The following FAT4 variants were observed in gnomAD, a reference collection of about 807,000 sequenced individuals.
The protein encoded by FAT4 is FAT atypical cadherin 4, also known as protocadherin Fat 4.
FAT4 carries 84 observed loss-of-function variants against 303.9 expected under a neutral mutation model. The ratio of observed to expected loss-of-function variants is 0.28; its 90% CI spans 0.23 to 0.33. The LOEUF is 0.33. Ranked by LOEUF, FAT4 falls within the 10% of genes least tolerant of loss-of-function variation. FAT4 has a pLI of 1.00. For synonymous variants in FAT4, 2,307 were observed against 2,298.8 expected (o/e 1.00, Z -0.10); for missense variants, 6,005 against 6,146.8 (o/e 0.98, Z 0.77).
At chr4:125,385,929 T>C (rs775597445) in intron 2 of FAT4, among the ~76,000 whole-genome samples, 3 of 152,216 alleles carry the variant, frequency 2.0e-5, no homozygotes, top group Non-Finnish European at 4.4e-5. Context: ...AATAGCCTTT[T>C]ATGCTGAAAC....
chr4:125,456,593 G>A (rs28464314), intron 10 of FAT4, among the ~76,000 whole-genome samples: 65,975 of 151,902 alleles, frequency 0.43, 15,202 homozygotes, highest in Middle Eastern at 0.54. Flanking sequence ...ATAGTGAGTG[G>A]CAAATGTTAA....
chr4:125,459,403 T>C (rs554894778), intron 10 of FAT4, among the ~76,000 whole-genome samples: 2 of 152,164 alleles, frequency 1.3e-5, no homozygotes, highest in South Asian at 2.1e-4. Flanking sequence ...AACATGAAAA[T>C]AGACACAAAA....
intron 17 of FAT4, among the ~76,000 whole-genome samples, chr4:125,488,728 A>G (rs533891954): frequency 3.3e-5 from 5 of 152,266 alleles, no homozygotes; most frequent in African/African-American, 7.2e-5. Context: ...AATCCTTTGG[A>G]TGGATGGGCT....
chr4:125,488,158 T>A (rs1391195192), intron 17 of FAT4, among the ~76,000 whole-genome samples: 1 of 152,158 alleles, frequency 6.6e-6, no homozygotes, highest in Non-Finnish European at 1.5e-5. Flanking sequence ...AGGATGAAAG[T>A]GTACGAAAGG....
At chr4:125,356,828 T>A (rs1453389614) in intron 2 of FAT4, among the ~76,000 whole-genome samples, 1 of 150,624 alleles carries the variant, frequency 6.6e-6, no homozygotes, top group Non-Finnish European at 1.5e-5. Context: ...GATAATATAA[T>A]AGAAATCATA....
intron 16 of FAT4, among the ~76,000 whole-genome samples, chr4:125,486,234 T>C (rs965873387): frequency 5.3e-5 from 8 of 151,804 alleles, no homozygotes; most frequent in East Asian, 3.9e-4. Context: ...TTTGATGAAA[T>C]GTTATTGTCA....
chr4:125,362,574 T>C (rs776881695), intron 2 of FAT4, among the ~76,000 whole-genome samples: 4 of 152,192 alleles, frequency 2.6e-5, no homozygotes, highest in Non-Finnish European at 4.4e-5. Flanking sequence ...TCTAGAGATA[T>C]ACAGATTTAC....
intron 9 of FAT4, among the ~76,000 whole-genome samples, chr4:125,447,882 C>G (rs1193191259): frequency 2.6e-5 from 4 of 151,978 alleles, no homozygotes; most frequent in Admixed American, 1.3e-4. Context: ...TGTATATACA[C>G]ACACATATAA....
intron 9 of FAT4, 119 bp downstream of exon 9, chr4:125,446,662 C>G: frequency 9.5e-7 from 1 of 1,051,092 alleles, no homozygotes; most frequent in Non-Finnish European, 1.3e-6. Context: ...TTTGCAAATC[C>G]TCTAAAATTC....
rs1178833932 is a variant in FAT4 at position 125,450,398 on chromosome 4, A to C, written c.9388A>C (p.Ile3130Leu). 2 of 1,614,096 alleles carry C rather than the reference A, an allele frequency of 1.2e-6. No individual in the cohort carries two copies. The highest frequency in any genetic ancestry group is 2.7e-5 in the African/African-American group (2 of 75,052). ...GATGAATGGCTTGATTAAGTACAGCATTTCTTCAGGAAATGAAGAAGGCAT... is the reference window on the plus strand; with the variant it reads ...GATGAATGGCTTGATTAAGTACAGCCTTTCTTCAGGAAATGAAGAAGGCAT... Reference protein sequence around the residue: ...AAMNGLIKYSISSGNEEGIFA... With the variant: ...AAMNGLIKYSLSSGNEEGIFA... The change falls in exon 10 of 18, where the codon ATT becomes CTT. Residue 3130 changes from isoleucine (I) to leucine (L), a missense_variant. Physicochemically the swap from Ile to Leu is conservative, Grantham distance 5. Coordinates refer to ENST00000394329, the MANE Select transcript of FAT4 (RefSeq NM_001291303.3).
intron 2 of FAT4, among the ~76,000 whole-genome samples, chr4:125,331,230 T>C (rs1339411280): frequency 1.3e-5 from 2 of 152,210 alleles, no homozygotes; most frequent in Non-Finnish European, 2.9e-5. Flanking sequence ...TTCTGCTATA[T>C]GCACAGCACC....
chr4:125,429,520 CTG>C (rs1725211740), intron 7 of FAT4, among the ~76,000 whole-genome samples: 1 of 152,080 alleles, frequency 6.6e-6, no homozygotes, highest in Non-Finnish European at 1.5e-5. Context: ...AACTGGCTCT[CTG>C]TCTATTCTGG....
Position 125,468,774 on chromosome 4 carries a change from G to T in FAT4, c.12168G>T (p.Val4056=), listed in dbSNP as rs762007124. The change falls in exon 12 of 18, where the codon GTG becomes GTT. Residue 4056 remains valine, a synonymous_variant. Transcript: ENST00000394329. ...ATAAGCTCACCACCATGAAGAAGGT[G>T]TCAGATGGACATTTTCACACTGTGA... is the stretch of plus-strand genomic sequence containing the variant. ...GTYKLTTMKK[V]SDGHFHTVIA... is the part of the protein sequence containing the mutation. 11 of 1,613,674 alleles carry T rather than the reference G, an allele frequency of 6.8e-6. No individual in the cohort carries two copies. The highest frequency in any genetic ancestry group is 8.5e-6 in the Non-Finnish European group (10 of 1,179,756).
chr4:125,447,145 C>G (rs1231130171), intron 9 of FAT4, among the ~76,000 whole-genome samples: 1 of 151,860 alleles, frequency 6.6e-6, no homozygotes, highest in Non-Finnish European at 1.5e-5. Flanking sequence ...TGCATTTATC[C>G]TTCTGTATCT....
chr4:125,342,488 A>C (rs1731836404), intron 2 of FAT4, among the ~76,000 whole-genome samples: 1 of 152,010 alleles, frequency 6.6e-6, no homozygotes, highest in South Asian at 2.1e-4. Flanking sequence ...ACATATTTTT[A>C]CATTTATTAT....
chr4:125,416,464 A>T lies in FAT4; in HGVS notation c.6860A>T (p.Asp2287Val). The T allele has an allele frequency of 6.2e-7, 1 of 1,613,668 alleles. No individual in the cohort carries two copies. Among genetic ancestry groups the T allele is most frequent in the Non-Finnish European group, 8.5e-7 (1 of 1,179,718 alleles). ...RTILQVVARD[D>V]DRGSNSKLSY... ...GTTCTACAGGTGGTGGCAAGAGATG[A>T]TGATCGAGGATCTAACAGCAAACTC... is the stretch of plus-strand genomic sequence containing the variant. Residue 2287 changes from aspartate (D) to valine (V), a missense_variant, in exon 7 of 18, where the codon GAT becomes GTT. Physicochemically the swap from Asp to Val is radical, Grantham distance 152. Transcript: ENST00000394329.
chr4:125,405,568 T>C (rs1056198488), intron 3 of FAT4, among the ~76,000 whole-genome samples: 2 of 151,974 alleles, frequency 1.3e-5, no homozygotes, highest in African/African-American at 4.8e-5. Flanking sequence ...TACAGTACAG[T>C]GGTGCGATCT....
At chr4:125,435,106 TAAG>T (rs1217736405) in intron 8 of FAT4, among the ~76,000 whole-genome samples, 2 of 152,244 alleles carry the variant, frequency 1.3e-5, no homozygotes, top group African/African-American at 2.4e-5. Context: ...CTAGCTCTAA[TAAG>T]AATATTTGTG....
intron 7 of FAT4, 89 bp downstream of exon 7, chr4:125,416,711 C>T (rs1243457857): frequency 5.3e-6 from 7 of 1,321,806 alleles, no homozygotes; most frequent in Non-Finnish European, 7.4e-6. Context: ...TTTGGGAGGC[C>T]AAGGTGGATG....
Sources: allele counts gnomAD v4.1 joint callset (sites outside exome capture counted in the v4.1 genomes callset), GRCh38; gene constraint gnomAD v4.1.1; transcripts MANE v1.5; gene names NCBI Gene and HGNC (gene_info 2026-07-23, HGNC 2026-07-21).